Variants in GABRA3 observed in about 807,000 individuals in gnomAD.
GABRA3 encodes the protein gamma-aminobutyric acid receptor subunit alpha-3.
A neutral mutation model predicts 30.1 loss-of-function variants in GABRA3; 10 were observed. The ratio of observed to expected loss-of-function variants is 0.33; its 90% CI spans 0.20 to 0.56. The LOEUF is 0.56. GABRA3 is among the 20% of genes least tolerant of loss of function. GABRA3 has a pLI of 0.89. For synonymous variants in GABRA3, 151 were observed against 146.8 expected (o/e 1.03, Z -0.21); for missense variants, 233 against 392.0 (o/e 0.59, Z 3.42).
chrX:152,439,168 C>G (rs1930855010), intron 1 of GABRA3, among the ~76,000 whole-genome samples: 1 of 110,223 alleles, frequency 9.1e-6, no homozygotes, highest in South Asian at 3.9e-4. Flanking sequence ...CACTCTGTCA[C>G]CCAGGCTGGA....
intron 5 of GABRA3, among the ~76,000 whole-genome samples, chrX:152,225,867 T>C (rs1217272220): frequency 9.1e-6 from 1 of 110,407 alleles, no homozygotes; most frequent in Non-Finnish European, 1.9e-5. Context: ...TTTGGAGTTC[T>C]AATAAGTTGA....
At chrX:152,236,604 C>A (rs1938220152) in intron 5 of GABRA3, among the ~76,000 whole-genome samples, 1 of 105,583 alleles carries the variant, frequency 9.5e-6, no homozygotes, top group Non-Finnish European at 1.9e-5. Context: ...AGTTTACAGT[C>A]CCACCAACAG....
intron 4 of GABRA3, among the ~76,000 whole-genome samples, chrX:152,281,174 A>G (rs956564036): frequency 9.0e-6 from 1 of 111,511 alleles, no homozygotes; most frequent in Non-Finnish European, 1.9e-5. Context: ...ATATGCCTAG[A>G]ATGATATTCC....
At chrX:152,352,284 G>C (rs184502848) in intron 2 of GABRA3, among the ~76,000 whole-genome samples, 71 of 111,653 alleles carry the variant, frequency 6.4e-4, no homozygotes, top group African/African-American at 2.2e-3. Flanking sequence ...ATGTAAAATG[G>C]GGATAACAAT....
At chrX:152,233,870 A>C (rs1938140934) in intron 5 of GABRA3, among the ~76,000 whole-genome samples, 1 of 107,409 alleles carries the variant, frequency 9.3e-6, no homozygotes. Context: ...GCAGCCATAA[A>C]AAAGGATGAG....
At chrX:152,179,377 G>A (rs867744595) in intron 9 of GABRA3, among the ~76,000 whole-genome samples, 22 of 110,759 alleles carry the variant, frequency 2.0e-4, no homozygotes, top group African/African-American at 6.9e-4. Context: ...CTTGTTGTAC[G>A]ATAGGGTCTC....
chrX:152,219,279 G>A (rs1937787375), intron 6 of GABRA3, among the ~76,000 whole-genome samples: 1 of 110,330 alleles, frequency 9.1e-6, no homozygotes, highest in Non-Finnish European at 1.9e-5. Context: ...TCTCTTTTAT[G>A]AACACCGAAG....
At chrX:152,394,987 G>A (rs754823844) in intron 1 of GABRA3, among the ~76,000 whole-genome samples, 1 of 111,301 alleles carries the variant, frequency 9.0e-6, no homozygotes, top group African/African-American at 3.3e-5. Context: ...TATGACACAG[G>A]TGCAGATGGA....
At chrX:152,197,346 A>C (rs1162505676) in intron 8 of GABRA3, among the ~76,000 whole-genome samples, 1 of 111,653 alleles carries the variant, frequency 9.0e-6, no homozygotes, top group African/African-American at 3.3e-5. Context: ...TCTATGCACT[A>C]AATTCCTCTC....
intron 9 of GABRA3, among the ~76,000 whole-genome samples, chrX:152,187,960 ATTAT>A (rs1327300261): frequency 8.9e-6 from 1 of 112,151 alleles, no homozygotes; most frequent in Non-Finnish European, 1.9e-5. Context: ...TAGCTCAACT[ATTAT>A]TTAAGTATAA....
intron 1 of GABRA3, among the ~76,000 whole-genome samples, chrX:152,445,087 AT>A (rs1449487227): frequency 2.5e-4 from 25 of 100,942 alleles, no homozygotes; most frequent in Non-Finnish European, 3.4e-4. Context: ...AAAAAAAAAA[AT>A]ACTTGTGTTT....
At chrX:152,293,599 TAAC>T (rs997004554) in intron 3 of GABRA3, among the ~76,000 whole-genome samples, 2 of 111,270 alleles carry the variant, frequency 1.8e-5, no homozygotes, top group Non-Finnish European at 1.9e-5. Flanking sequence ...ACAACAATAA[TAAC>T]AATAATAACA....
chrX:152,266,255 C>A (rs902310397), intron 4 of GABRA3, among the ~76,000 whole-genome samples: 1 of 111,824 alleles, frequency 8.9e-6, no homozygotes, highest in Non-Finnish European at 1.9e-5. Context: ...AAACCAAATT[C>A]AACAACACAT....
At chrX:152,407,811 C>T (rs778254434) in intron 1 of GABRA3, among the ~76,000 whole-genome samples, 9 of 111,364 alleles carry the variant, frequency 8.1e-5, no homozygotes, top group South Asian at 3.8e-4. Flanking sequence ...TGAACATAGA[C>T]GCTAAAATCC....
chrX:152,219,732 G>C (rs1013220346), intron 6 of GABRA3, among the ~76,000 whole-genome samples: 1 of 110,757 alleles, frequency 9.0e-6, no homozygotes, highest in African/African-American at 3.3e-5. Flanking sequence ...GGTAATTCTT[G>C]AAAATTTAAT....
intron 8 of GABRA3, among the ~76,000 whole-genome samples, chrX:152,197,058 T>C (rs188030948): frequency 8.0e-5 from 9 of 112,002 alleles, no homozygotes; most frequent in Non-Finnish European, 1.1e-4. Context: ...GTTTTGTATG[T>C]TTTAAGTCTG....
intron 1 of GABRA3, among the ~76,000 whole-genome samples, chrX:152,434,809 A>G (rs1447970952): frequency 1.8e-5 from 2 of 111,922 alleles, no homozygotes; most frequent in Non-Finnish European, 3.8e-5. Flanking sequence ...CATAAAAAGC[A>G]TTTTAAAAAA....
At chrX:152,227,984 T>C (rs779520141) in intron 5 of GABRA3, among the ~76,000 whole-genome samples, 2 of 111,149 alleles carry the variant, frequency 1.8e-5, no homozygotes, top group Non-Finnish European at 3.8e-5. Flanking sequence ...ATGTATAAGG[T>C]AGTCATGTGA....
intron 3 of GABRA3, among the ~76,000 whole-genome samples, chrX:152,314,842 T>C (rs778357379): frequency 3.6e-5 from 4 of 112,514 alleles, no homozygotes; most frequent in Non-Finnish European, 7.5e-5. Context: ...CTGTCTCACA[T>C]GCCAGATTGC....
Sources: allele counts gnomAD v4.1 joint callset (sites outside exome capture counted in the v4.1 genomes callset), GRCh38; gene constraint gnomAD v4.1.1; transcripts MANE v1.5; gene names NCBI Gene and HGNC (gene_info 2026-07-23, HGNC 2026-07-21).